CREM: variants seen among roughly 807,000 people sequenced by gnomAD.
CREM encodes the protein cAMP-responsive element modulator.
CREM carries 13 observed loss-of-function variants against 37.3 expected under a neutral mutation model. The ratio of observed to expected loss-of-function variants is 0.35; its 90% CI spans 0.23 to 0.55. CREM has a LOEUF of 0.55. CREM is among the 20% of genes least tolerant of loss of function. The pLI is 0.88. For missense variants in CREM, 296 were observed against 362.3 expected, an observed-to-expected ratio of 0.82 and a Z score of 1.49; for synonymous variants, 124 against 120.2, an observed-to-expected ratio of 1.03 and a Z score of -0.21.
intron 6 of CREM, among the ~76,000 whole-genome samples, chr10:35,204,715 TTAAG>T (rs2095479883): frequency 1.3e-5 from 2 of 152,332 alleles, no homozygotes; most frequent in Admixed American, 1.3e-4. Flanking sequence ...ATGAAAATCT[TTAAG>T]TGAGCTTCCT....
At chr10:35,167,742 A>G in intron 3 of CREM, 2 of 1,614,166 alleles carry the variant, frequency 1.2e-6, no homozygotes, top group South Asian at 1.1e-5. Context: ...TGGCATCAGC[A>G]TAATCTATGT....
At chr10:35,128,526 CTTTTT>C (rs35809404) in intron 1 of CREM, among the ~76,000 whole-genome samples, 1 of 128,976 alleles carries the variant, frequency 7.8e-6, no homozygotes. Flanking sequence ...TTTTCCTAGT[CTTTTT>C]TTTTTTTTTT....
chr10:35,149,782 C>G (rs925144157), intron 3 of CREM, among the ~76,000 whole-genome samples: 1 of 151,962 alleles, frequency 6.6e-6, no homozygotes, highest in African/African-American at 2.4e-5. Context: ...AACACCCACT[C>G]GTTCCCTGCA....
chr10:35,179,273 T>C lies in CREM; in HGVS notation c.406T>C (p.Tyr136His). 1 of 1,614,048 alleles carries C rather than the reference T, an allele frequency of 6.2e-7. No homozygotes were observed. The highest frequency in any genetic ancestry group is 8.5e-7 in the Non-Finnish European group (1 of 1,179,972). ...CATATATCAGACTAGCACGGGGCAA[T>C]ACAGTATGTATGCTGCAATTCGATA... ...TSIYQTSTGQ[Y>H]IAIAQGGTIQ... The change falls in exon 5 of 8, where the codon TAC becomes CAC. Residue 136 changes from tyrosine to histidine, a missense_variant. Tyr to His is a moderately conservative substitution (Grantham distance 83). Transcript: ENST00000685392.
intron 3 of CREM, among the ~76,000 whole-genome samples, chr10:35,170,032 C>T (rs1280140330): frequency 2.1e-5 from 3 of 144,712 alleles, no homozygotes; most frequent in Middle Eastern, 3.5e-3. Flanking sequence ...GCATGATCTT[C>T]GCTCACTGCA....
intron 6 of CREM, among the ~76,000 whole-genome samples, chr10:35,205,519 A>G (rs1186655174): frequency 6.6e-6 from 1 of 152,202 alleles, no homozygotes; most frequent in East Asian, 1.9e-4. Flanking sequence ...TTGCACTTAA[A>G]GACATTCAGT....
chr10:35,190,320 A>G (rs927643662), intron 6 of CREM, among the ~76,000 whole-genome samples: 4 of 152,078 alleles, frequency 2.6e-5, no homozygotes, highest in African/African-American at 7.2e-5. Context: ...TCACTTCTGT[A>G]TATAGTATTT....
At chr10:35,175,762 A>G (rs897272870) in intron 3 of CREM, 1 of 1,614,058 alleles carries the variant, frequency 6.2e-7, no homozygotes, top group Non-Finnish European at 8.5e-7. Context: ...GAAGTAGGCC[A>G]GTCATATTAG....
intron 3 of CREM, among the ~76,000 whole-genome samples, chr10:35,151,470 G>A (rs572577019): frequency 6.4e-4 from 97 of 152,222 alleles, no homozygotes; most frequent in Non-Finnish European, 9.7e-4. Flanking sequence ...CCACCTCCCG[G>A]GTTCCAATGA....
At chr10:35,167,278 C>T (rs1353178143) in intron 3 of CREM, among the ~76,000 whole-genome samples, 5 of 152,158 alleles carry the variant, frequency 3.3e-5, no homozygotes, top group African/African-American at 1.2e-4. Flanking sequence ...CCCTATAGAA[C>T]AGACTTTTGA....
In CREM at chr10:35,188,847, G is replaced by A. The variant is rs181707084; in HGVS notation, c.598+459G>A. 5.0e-3 allele frequency among the ~76,000 whole-genome samples: 760 copies of A among 151,968 alleles called. 48 individuals are homozygous for A. The South Asian group carries it at 0.13, about 27-fold the overall frequency. On this transcript the variant is annotated intron_variant, in intron 6 of 7. Transcript: ENST00000685392. ...TAATTTTTGTATTTTTAGTAGAGAC[G>A]GGGTTTCACCATGTTGGGCAGGCTG...
chr10:35,183,811 A>G (rs2094448296), intron 5 of CREM, among the ~76,000 whole-genome samples: 2 of 152,242 alleles, frequency 1.3e-5, no homozygotes, highest in Admixed American at 1.3e-4. Context: ...GTGATGGTTC[A>G]CGCCTGTAAT....
chr10:35,163,528 T>G (rs997717075), intron 3 of CREM, among the ~76,000 whole-genome samples: 2 of 151,900 alleles, frequency 1.3e-5, no homozygotes, highest in African/African-American at 4.8e-5. Flanking sequence ...TATGAAAAAT[T>G]AAAAACTTAG....
At chr10:35,141,219 C>A (rs969272916) in intron 2 of CREM, among the ~76,000 whole-genome samples, 1 of 152,152 alleles carries the variant, frequency 6.6e-6, no homozygotes, top group Non-Finnish European at 1.5e-5. Context: ...CAGGCACTTA[C>A]CACATGGTAA....
rs561849283 is a variant in CREM at position 35,145,322 on chromosome 10, A to AT, written c.45-3045dup. On this transcript the variant is annotated intron_variant, in intron 2 of 7. Coordinates refer to ENST00000685392, the MANE Select transcript of CREM (RefSeq NM_183011.2). The stretch of plus-strand genomic sequence containing the variant: ...TCCAATCACCTATTCTGTTTCCCAG[A>AT]TATCCTCTGTACTTTCCTCCCTCTC... 2.4e-4 allele frequency among the ~76,000 whole-genome samples: 37 copies of AT among 152,028 alleles called. No individual in the cohort carries two copies. The East Asian group carries it at 5.6e-3, about 23-fold the overall frequency.
intron 6 of CREM, among the ~76,000 whole-genome samples, chr10:35,196,759 T>C (rs2095188744): frequency 6.6e-6 from 1 of 152,170 alleles, no homozygotes; most frequent in Non-Finnish European, 1.5e-5. Context: ...AAATTATTGG[T>C]TAATATCTTT....
chr10:35,140,998 A>G (rs2091343212), intron 2 of CREM, among the ~76,000 whole-genome samples: 3 of 152,250 alleles, frequency 2.0e-5, no homozygotes, highest in South Asian at 4.1e-4. Context: ...AATGGAGTGT[A>G]TGGACTTTGG....
intron 6 of CREM, among the ~76,000 whole-genome samples, chr10:35,205,647 G>T (rs1246095390): frequency 6.6e-6 from 1 of 152,164 alleles, no homozygotes; most frequent in Non-Finnish European, 1.5e-5. Flanking sequence ...AGCTCCTCCT[G>T]GCTTGCTAGA....
chr10:35,137,813 C>T lies in CREM; in HGVS notation c.-23C>T. The T allele has an allele frequency of 6.5e-7, 1 of 1,526,976 alleles. No individual in the cohort carries two copies. Among genetic ancestry groups the T allele is most frequent in the Non-Finnish European group, 8.9e-7 (1 of 1,124,370 alleles). 94.6% of individuals were successfully genotyped at this position (1,526,976 alleles called of 1,614,324 possible). ...TAAAGAAAACAGGAAAGGAGGAAAG[C>T]ATTGATTACAAATATCTTAACAATG... On this transcript the variant is annotated 5_prime_UTR_variant, in exon 2 of 8. Coordinates refer to ENST00000685392, the MANE Select transcript of CREM (RefSeq NM_183011.2).
Sources: gnomAD v4.1 joint callset for allele counts (sites outside exome capture counted in the v4.1 genomes callset) on GRCh38, gnomAD v4.1.1 for gene constraint, MANE v1.5 for transcripts, NCBI Gene and HGNC (gene_info 2026-07-23, HGNC 2026-07-21) for gene names.